The following TTC28 variants were observed in gnomAD, a reference collection of about 807,000 sequenced individuals.
TTC28 encodes tetratricopeptide repeat protein 28.
In TTC28, 61 loss-of-function variants were observed where a neutral mutation model predicts 198.0. The ratio of observed to expected loss-of-function variants is 0.31; its 90% CI spans 0.25 to 0.38. The LOEUF is 0.38. Ranked by LOEUF, TTC28 falls within the 10% of genes least tolerant of loss-of-function variation. The pLI is 1.00. For synonymous variants in TTC28, 1,171 were observed against 1,297.8 expected, an observed-to-expected ratio of 0.90 and a Z score of 2.10; for missense variants, 2,678 against 3,164.0, an observed-to-expected ratio of 0.85 and a Z score of 3.69.
chr22:28,103,332 C>T (rs1942209707), intron 8 of TTC28, among the ~76,000 whole-genome samples: 1 of 152,134 alleles, frequency 6.6e-6, no homozygotes, highest in South Asian at 2.1e-4. Flanking sequence ...TGGTTTTATC[C>T]AGAGGTGTCT....
rs545498756 is a variant in TTC28 at position 28,491,319 on chromosome 22, G to A, written c.381+138233C>T. 9.2e-5 allele frequency among the ~76,000 whole-genome samples: 14 copies of A among 152,222 alleles called. 1 individual carries two copies. The South Asian group carries it at 2.9e-3, about 32-fold the overall frequency. On this transcript the variant is annotated intron_variant, in intron 2 of 22. Transcript: ENST00000397906. ...AAAGAAACCACCATCAGAGTGAACA[G>A]GCAACCTACAGAATGGGAGAAAATT...
chr22:28,607,804 CA>C (rs992106974), intron 2 of TTC28, among the ~76,000 whole-genome samples: 18 of 152,150 alleles, frequency 1.2e-4, no homozygotes, highest in African/African-American at 4.1e-4. Flanking sequence ...TAAGTCTTTA[CA>C]AAGCATATCC....
At chr22:28,125,019 C>A (rs1235285443) in intron 6 of TTC28, among the ~76,000 whole-genome samples, 6 of 152,156 alleles carry the variant, frequency 3.9e-5, no homozygotes, top group African/African-American at 1.4e-4. Context: ...ACATTGCATA[C>A]CCTAGAAAAA....
At chr22:28,247,973 AC>A (rs1022167175) in intron 5 of TTC28, among the ~76,000 whole-genome samples, 3 of 152,128 alleles carry the variant, frequency 2.0e-5, no homozygotes, top group African/African-American at 7.2e-5. Flanking sequence ...CAGCTAGTAA[AC>A]CCCTTCTTTG....
chr22:27,992,313 T>G (rs1569071324), intron 19 of TTC28, among the ~76,000 whole-genome samples: 2 of 152,164 alleles, frequency 1.3e-5, no homozygotes, highest in Non-Finnish European at 2.9e-5. Context: ...ACAATGCCAA[T>G]AGCAGCCAGT....
At chr22:28,582,542 G>A (rs1160922346) in intron 2 of TTC28, among the ~76,000 whole-genome samples, 1 of 152,014 alleles carries the variant, frequency 6.6e-6, no homozygotes, top group Non-Finnish European at 1.5e-5. Context: ...GAGAAAAGGA[G>A]ATTGAAATCC....
intron 19 of TTC28, among the ~76,000 whole-genome samples, chr22:27,991,335 AGACCTCTAGACC>A (rs1423361115): frequency 1.3e-5 from 2 of 152,242 alleles, no homozygotes; most frequent in Non-Finnish European, 2.9e-5. Context: ...TGTAGAACAC[AGACCTCTAGACC>A]GCCTGGGTTC....
At chr22:28,284,554 G>C (rs2044644433) in intron 5 of TTC28, among the ~76,000 whole-genome samples, 1 of 151,870 alleles carries the variant, frequency 6.6e-6, no homozygotes, top group Non-Finnish European at 1.5e-5. Flanking sequence ...CACAGCAAAA[G>C]AAAACAATCA....
chr22:28,090,025 T>C (rs957342592), intron 12 of TTC28, among the ~76,000 whole-genome samples: 1 of 151,816 alleles, frequency 6.6e-6, no homozygotes, highest in South Asian at 2.1e-4. Context: ...AATGACGAGT[T>C]AATGGGTGCA....
intron 11 of TTC28, among the ~76,000 whole-genome samples, chr22:28,095,580 T>C (rs560771351): frequency 1.3e-5 from 2 of 152,214 alleles, no homozygotes; most frequent in African/African-American, 2.4e-5. Context: ...CATTTTATTA[T>C]GCAAAAAATA....
chr22:28,200,055 A>T (rs558614551), intron 5 of TTC28, among the ~76,000 whole-genome samples: 8 of 152,250 alleles, frequency 5.3e-5, no homozygotes, highest in African/African-American at 1.7e-4. Flanking sequence ...TGTTTAAGAA[A>T]ATTAAAAAGA....
chr22:27,997,234 AG>A (rs1341088910), intron 16 of TTC28, among the ~76,000 whole-genome samples: 1 of 152,252 alleles, frequency 6.6e-6, no homozygotes, highest in African/African-American at 2.4e-5. Context: ...GGCAGAACCA[AG>A]GGACGGCCGT....
rs1930316830 is a variant in TTC28 at position 28,248,949 on chromosome 22, T to TA, written c.933+47248dup. On this transcript the variant is annotated intron_variant, in intron 5 of 22. Coordinates refer to ENST00000397906, the MANE Select transcript of TTC28 (RefSeq NM_001145418.2). ...CAGCTTTATCATGTGAGTAAATACT[T>TA]ACTGCACATGTTAATTAATAACAGG... Among the ~76,000 whole-genome samples the TA allele has an allele frequency of 2.0e-5, 3 of 152,170 alleles. No individual in the cohort carries two copies. In the South Asian group the frequency reaches 6.2e-4, roughly 32 times the overall value.
At chr22:28,313,693 A>G (rs2045305464) in intron 2 of TTC28, among the ~76,000 whole-genome samples, 1 of 152,052 alleles carries the variant, frequency 6.6e-6, no homozygotes, top group African/African-American at 2.4e-5. Flanking sequence ...CAATAAACTA[A>G]GTAAGATGGA....
intron 12 of TTC28, among the ~76,000 whole-genome samples, chr22:28,049,600 T>C (rs76671472): frequency 0.01 from 1,591 of 152,102 alleles, 31 homozygotes; most frequent in African/African-American, 0.036. Flanking sequence ...CCCCAGCTGG[T>C]TGGGGACTGT....
intron 5 of TTC28, among the ~76,000 whole-genome samples, chr22:28,169,373 C>A (rs943668399): frequency 6.6e-6 from 1 of 151,734 alleles, no homozygotes; most frequent in Admixed American, 6.6e-5. Context: ...CACATGCACA[C>A]ATGTTTATTG....
chr22:28,470,168 A>G (rs182691389), intron 2 of TTC28, among the ~76,000 whole-genome samples: 1 of 152,302 alleles, frequency 6.6e-6, no homozygotes, highest in Non-Finnish European at 1.5e-5. Context: ...GAATAAATCT[A>G]AATTGTTTAA....
intron 2 of TTC28, among the ~76,000 whole-genome samples, chr22:28,408,573 T>C (rs528518471): frequency 6.6e-6 from 1 of 152,320 alleles, no homozygotes; most frequent in South Asian, 2.1e-4. Flanking sequence ...GTATTTTTAG[T>C]AGAGACAGGG....
chr22:28,300,653 CA>C (rs1181139915), intron 3 of TTC28, among the ~76,000 whole-genome samples: 1 of 152,002 alleles, frequency 6.6e-6, no homozygotes, highest in Non-Finnish European at 1.5e-5. Flanking sequence ...TTATCAAGGG[CA>C]ACTGGAAAGC....
Sources: allele counts gnomAD v4.1 joint callset (sites outside exome capture counted in the v4.1 genomes callset), GRCh38; gene constraint gnomAD v4.1.1; transcripts MANE v1.5; gene names NCBI Gene and HGNC (gene_info 2026-07-23, HGNC 2026-07-21).